DCBLD2: variants seen among roughly 807,000 people sequenced by gnomAD.
DCBLD2 encodes the protein discoidin, CUB and LCCL domain containing 2, also known as discoidin, CUB and LCCL domain-containing protein 2.
A neutral mutation model predicts 86.8 loss-of-function variants in DCBLD2; 54 were observed. The ratio of observed to expected loss-of-function variants is 0.62; its 90% CI spans 0.50 to 0.78. DCBLD2 has a LOEUF of 0.78. Among genes scored for constraint, DCBLD2 ranks in the 30% least tolerant of loss-of-function variants. DCBLD2 has a pLI of 0.00. For missense variants in DCBLD2, 908 were observed against 954.2 expected, an observed-to-expected ratio of 0.95 and a Z score of 0.64; for synonymous variants, 354 against 341.3, an observed-to-expected ratio of 1.04 and a Z score of -0.41.
intron 3 of DCBLD2, among the ~76,000 whole-genome samples, chr3:98,835,642 C>T (rs1291688210): frequency 2.0e-5 from 3 of 148,758 alleles, no homozygotes; most frequent in South Asian, 2.2e-4. Flanking sequence ...TTCTGCCTCC[C>T]GGATTCAAGC....
chr3:98,900,910 G>C, intron 1 of DCBLD2: 1 of 779,074 alleles, frequency 1.3e-6, no homozygotes, highest in Non-Finnish European at 2.0e-6. Flanking sequence ...AAAAATAAAT[G>C]GCCTTGCCAA....
chr3:98,874,013 G>C (rs1943322430), intron 2 of DCBLD2, among the ~76,000 whole-genome samples: 1 of 152,134 alleles, frequency 6.6e-6, no homozygotes, highest in Non-Finnish European at 1.5e-5. Context: ...TAATTTACCA[G>C]GCAAGTACCG....
At chr3:98,882,629 T>C (rs1559798953) in intron 1 of DCBLD2, among the ~76,000 whole-genome samples, 2 of 152,164 alleles carry the variant, frequency 1.3e-5, no homozygotes, top group African/African-American at 2.4e-5. Flanking sequence ...TGTACGTGTG[T>C]TCTCATTGTT....
chr3:98,857,895 G>A (rs565545139), intron 2 of DCBLD2, among the ~76,000 whole-genome samples: 2 of 152,394 alleles, frequency 1.3e-5, no homozygotes, highest in East Asian at 1.9e-4. Context: ...AGACTCAGGA[G>A]CCCAGCTGGC....
Position 98,799,404 on chromosome 3 carries a change from C to T in DCBLD2, c.2296G>A (p.Gly766Arg), listed in dbSNP as rs745517659. The T allele has an allele frequency of 3.1e-6, 5 of 1,612,492 alleles. No homozygotes were observed. The East Asian group carries it at 6.7e-5, about 22-fold the overall frequency. The change falls in exon 16 of 16, where the codon GGG becomes AGG. Residue 766 changes from glycine (G) to arginine (R), a missense_variant. Transcript: ENST00000326840. Reference protein sequence around the residue: ...TQEVSGAGRDGECDVFKEIL With the variant: ...TQEVSGAGRDRECDVFKEIL ...ATTTCTTTAAAAACATCACATTCCC[C>T]ATCCCTTCCTGCTCCTGATACTTCT...
At chr3:98,900,772 C>T (rs1412488725) in intron 1 of DCBLD2, 4 of 332,834 alleles carry the variant, frequency 1.2e-5, no homozygotes, top group South Asian at 2.9e-5. Context: ...CTACAGTGTC[C>T]ATCCATCCGT....
intron 3 of DCBLD2, among the ~76,000 whole-genome samples, chr3:98,831,058 A>T (rs1024750809): frequency 6.6e-6 from 1 of 151,676 alleles, no homozygotes; most frequent in Non-Finnish European, 1.5e-5. Context: ...TGGTGTACAG[A>T]AATGCTAGTA....
intron 2 of DCBLD2, among the ~76,000 whole-genome samples, chr3:98,858,989 G>A (rs1942989397): frequency 6.6e-6 from 1 of 152,206 alleles, no homozygotes. Context: ...GGGAAGGGGT[G>A]ACAGATGGCA....
chr3:98,875,978 A>T (rs1943361078), intron 2 of DCBLD2, among the ~76,000 whole-genome samples: 1 of 152,216 alleles, frequency 6.6e-6, no homozygotes, highest in African/African-American at 2.4e-5. Context: ...ATTTATCTTT[A>T]GTTGGGATAT....
intron 3 of DCBLD2, among the ~76,000 whole-genome samples, chr3:98,847,240 T>C (rs1942743385): frequency 1.3e-5 from 2 of 152,050 alleles, no homozygotes; most frequent in Admixed American, 6.6e-5. Context: ...TTAGATTCAG[T>C]CCTCACAACG....
rs758732052 is a variant in DCBLD2 at position 98,822,756 on chromosome 3, C to G, written c.624-15G>C. ...GGCAGTACTTACTGAGAAATGAAAA[C>G]AAGCAAAAGGTTACATAATGCTGTA... is the stretch of plus-strand genomic sequence containing the variant. On this transcript the variant is annotated splice_polypyrimidine_tract_variant and intron_variant, in intron 4 of 15. Transcript: ENST00000326840. 1.3e-6 allele frequency: 2 copies of G among 1,573,686 alleles called. No homozygotes were observed. Among genetic ancestry groups the G allele is most frequent in the Non-Finnish European group, 1.7e-6 (2 of 1,160,334 alleles).
At chr3:98,814,410 GT>G (rs1941987919) in intron 9 of DCBLD2, 1 of 152,084 alleles carries the variant, frequency 6.6e-6, no homozygotes, top group Non-Finnish European at 1.5e-5. Flanking sequence ...TAAAAACTGA[GT>G]AAAAAAGATT....
intron 2 of DCBLD2, among the ~76,000 whole-genome samples, chr3:98,879,364 C>A (rs1415371971): frequency 6.6e-6 from 1 of 152,032 alleles, no homozygotes; most frequent in Non-Finnish European, 1.5e-5. Flanking sequence ...ACTGAATGCC[C>A]AATGCTTCAA....
chr3:98,837,805 T>G (rs1942500134), intron 3 of DCBLD2, among the ~76,000 whole-genome samples: 11 of 131,046 alleles, frequency 8.4e-5, no homozygotes, highest in African/African-American at 1.8e-4. Context: ...ACGGGGCGGC[T>G]GGCCGGGCGG....
At chr3:98,894,241 C>A (rs977426014) in intron 1 of DCBLD2, among the ~76,000 whole-genome samples, 1 of 152,146 alleles carries the variant, frequency 6.6e-6, no homozygotes, top group Non-Finnish European at 1.5e-5. Context: ...GGGAAGTCCT[C>A]CACAATACGT....
chr3:98,896,423 T>C (rs1457364598), intron 1 of DCBLD2, among the ~76,000 whole-genome samples: 1 of 152,226 alleles, frequency 6.6e-6, no homozygotes, highest in East Asian at 1.9e-4. Flanking sequence ...AATACAGTAA[T>C]TACTTTATAA....
At chr3:98,873,314 A>AAT (rs1943310551) in intron 2 of DCBLD2, among the ~76,000 whole-genome samples, 1 of 152,116 alleles carries the variant, frequency 6.6e-6, no homozygotes, top group South Asian at 2.1e-4. Flanking sequence ...GAAACAGCAA[A>AAT]ATAAAGACAG....
At position 98,799,266 on chromosome 3, in the gene DCBLD2, C is replaced by T; in HGVS notation, c.*106G>A. 8.0e-7 allele frequency: 1 copy of T among 1,250,992 alleles called. No individual in the cohort carries two copies. Among genetic ancestry groups the T allele is most frequent in the Non-Finnish European group, 1.1e-6 (1 of 909,932 alleles). 77.5% of individuals were successfully genotyped at this position (1,250,992 alleles called of 1,614,324 possible). A position where few individuals can be genotyped will look rare whatever the true frequency, so the allele number is the denominator to read the frequency against. On this transcript the variant is annotated 3_prime_UTR_variant, in exon 16 of 16. Coordinates refer to ENST00000326840, the MANE Select transcript of DCBLD2 (RefSeq NM_080927.4). The stretch of plus-strand genomic sequence containing the variant: ...TCAGTCACCACATTTTCCCCAACCA[C>T]TTCAGTGACAGTTATGTAATACATT...
chr3:98,889,793 G>T (rs1169278349), intron 1 of DCBLD2, among the ~76,000 whole-genome samples: 2 of 151,966 alleles, frequency 1.3e-5, no homozygotes, highest in African/African-American at 4.8e-5. Context: ...AATATTTGGT[G>T]TGTTTATCTT....
Sources: gnomAD v4.1 joint callset for allele counts (sites outside exome capture counted in the v4.1 genomes callset) on GRCh38, gnomAD v4.1.1 for gene constraint, MANE v1.5 for transcripts, NCBI Gene and HGNC (gene_info 2026-07-23, HGNC 2026-07-21) for gene names.